Variants in GRIA4 observed in about 807,000 individuals in gnomAD.
GRIA4 encodes the protein glutamate receptor 4.
In GRIA4, 34 loss-of-function variants were observed where a neutral mutation model predicts 104.0. That is an observed-to-expected ratio of 0.33 (90% CI 0.25 to 0.44). The LOEUF (loss-of-function observed/expected upper bound fraction) is 0.44. Among genes scored for constraint, GRIA4 ranks in the 20% least tolerant of loss-of-function variants. The pLI is 1.00. For synonymous variants in GRIA4, 386 were observed against 381.9 expected, an observed-to-expected ratio of 1.01 and a Z score of -0.13; for missense variants, 750 against 1,096.5, an observed-to-expected ratio of 0.68 and a Z score of 4.46.
chr11:105,641,804 T>C (rs1207918288), intron 3 of GRIA4, among the ~76,000 whole-genome samples: 1 of 152,204 alleles, frequency 6.6e-6, no homozygotes, highest in Non-Finnish European at 1.5e-5. Flanking sequence ...AAAACTGCTC[T>C]GTATCAGTTT....
chr11:105,752,322 G>A (rs1471941291), intron 3 of GRIA4, among the ~76,000 whole-genome samples: 2 of 152,010 alleles, frequency 1.3e-5, no homozygotes, highest in Non-Finnish European at 2.9e-5. Flanking sequence ...TACAACATGC[G>A]CAGCTGGCCC....
intron 3 of GRIA4, among the ~76,000 whole-genome samples, chr11:105,676,257 A>T (rs1312112739): frequency 6.6e-6 from 1 of 151,710 alleles, no homozygotes; most frequent in South Asian, 2.1e-4. Flanking sequence ...AATAGGTATG[A>T]ATATTTTCCA....
At chr11:105,775,181 C>G (rs908616673) in intron 4 of GRIA4, among the ~76,000 whole-genome samples, 4 of 152,072 alleles carry the variant, frequency 2.6e-5, no homozygotes, top group African/African-American at 9.7e-5. Flanking sequence ...TCTTGCATCC[C>G]TCTTACCAGG....
At chr11:105,692,946 GA>G in intron 3 of GRIA4, among the ~76,000 whole-genome samples, 1 of 151,996 alleles carries the variant, frequency 6.6e-6, no homozygotes, top group East Asian at 1.9e-4. Flanking sequence ...TTCTCAAAAA[GA>G]AAAAAACACA....
intron 4 of GRIA4, among the ~76,000 whole-genome samples, chr11:105,858,628 T>C (rs1194701416): frequency 1.3e-5 from 2 of 152,150 alleles, no homozygotes; most frequent in South Asian, 2.1e-4. Context: ...TATATTTTTG[T>C]ACCTATTAAC....
At chr11:105,801,388 T>C (rs1448354254) in intron 4 of GRIA4, among the ~76,000 whole-genome samples, 6 of 151,886 alleles carry the variant, frequency 4.0e-5, no homozygotes, top group Non-Finnish European at 7.4e-5. Flanking sequence ...TTTATTTTAA[T>C]AAAGATTAGA....
intron 8 of GRIA4, among the ~76,000 whole-genome samples, chr11:105,904,313 G>A (rs1386505061): frequency 2.6e-5 from 4 of 152,304 alleles, no homozygotes; most frequent in Middle Eastern, 3.4e-3. Flanking sequence ...ACTCGAGGAC[G>A]TAGGCTTGCA....
chr11:105,660,172 T>C (rs1258094634), intron 3 of GRIA4, among the ~76,000 whole-genome samples: 1 of 151,588 alleles, frequency 6.6e-6, no homozygotes, highest in Non-Finnish European at 1.5e-5. Context: ...CACATAAAGA[T>C]AATTCCCTAG....
intron 3 of GRIA4, among the ~76,000 whole-genome samples, chr11:105,695,688 T>C (rs1404719466): frequency 3.9e-5 from 6 of 152,196 alleles, no homozygotes; most frequent in African/African-American, 4.8e-5. Context: ...TTTTTCTTTA[T>C]ATAGTTATAT....
intron 3 of GRIA4, among the ~76,000 whole-genome samples, chr11:105,648,031 C>G (rs571774512): frequency 7.9e-5 from 12 of 151,182 alleles, no homozygotes; most frequent in Non-Finnish European, 1.5e-4. Flanking sequence ...AAAATGGAAC[C>G]AGGTTTAATT....
At chr11:105,934,644 C>G (rs1312209972) in intron 14 of GRIA4, among the ~76,000 whole-genome samples, 1 of 152,136 alleles carries the variant, frequency 6.6e-6, no homozygotes, top group Non-Finnish European at 1.5e-5. Context: ...AGATAGACCC[C>G]TGAAATGTGG....
intron 14 of GRIA4, among the ~76,000 whole-genome samples, chr11:105,952,110 T>C (rs1948469432): frequency 6.6e-6 from 1 of 152,204 alleles, no homozygotes; most frequent in Non-Finnish European, 1.5e-5. Flanking sequence ...CCACCAGGTG[T>C]CATAGAAATG....
intron 4 of GRIA4, among the ~76,000 whole-genome samples, chr11:105,818,871 C>A (rs560222264): frequency 1.3e-5 from 2 of 152,144 alleles, no homozygotes; most frequent in African/African-American, 4.8e-5. Context: ...TTTTAGAAGT[C>A]ATATGTTTTG....
At chr11:105,938,023 G>T (rs190198798) in intron 14 of GRIA4, among the ~76,000 whole-genome samples, 62 of 152,254 alleles carry the variant, frequency 4.1e-4, no homozygotes, top group African/African-American at 1.4e-3. Flanking sequence ...ATCTCTCATT[G>T]GACTTTTCCT....
chr11:105,981,051 A>G lies in GRIA4; in HGVS notation c.*1312A>G, dbSNP rs931720460. On this transcript the variant is annotated 3_prime_UTR_variant, in exon 17 of 17. Coordinates refer to ENST00000282499, the MANE Select transcript of GRIA4 (RefSeq NM_000829.4). ...CCTATTGTTCCCTTTAAATCATATG[A>G]AGGCATTCATAATAGCTTGGGGTAG... 2 of 152,624 alleles carry G rather than the reference A, an allele frequency of 1.3e-5. No individual in the cohort carries two copies. The highest frequency in any genetic ancestry group is 4.8e-5 in the African/African-American group (2 of 41,450). The allele number at this position is 152,624 out of a possible 1,614,324, so 9.5% of individuals were successfully genotyped here. A position where few individuals can be genotyped will look rare whatever the true frequency, so the allele number is the denominator to read the frequency against.
At chr11:105,744,899 GT>G in intron 3 of GRIA4, among the ~76,000 whole-genome samples, 1 of 152,076 alleles carries the variant, frequency 6.6e-6, no homozygotes, top group East Asian at 1.9e-4. Flanking sequence ...AGTGCTTCTA[GT>G]TTTTATTGAT....
At chr11:105,899,244 T>C (rs1946769987) in intron 7 of GRIA4, among the ~76,000 whole-genome samples, 1 of 152,206 alleles carries the variant, frequency 6.6e-6, no homozygotes, top group South Asian at 2.1e-4. Flanking sequence ...AATACTGGAA[T>C]TTGGCCAGCT....
chr11:105,877,397 C>T (rs1431369619), intron 5 of GRIA4, among the ~76,000 whole-genome samples: 1 of 152,102 alleles, frequency 6.6e-6, no homozygotes, highest in Non-Finnish European at 1.5e-5. Flanking sequence ...TGGGGTTGCT[C>T]TTCTCAAGGA....
chr11:105,787,664 A>G (rs1317730812), intron 4 of GRIA4, among the ~76,000 whole-genome samples: 1 of 26,326 alleles, frequency 3.8e-5, no homozygotes, highest in Non-Finnish European at 6.9e-5. Flanking sequence ...TTTAGTAGAA[A>G]TGGTGTTTCA....
Sources: gnomAD v4.1 joint callset for allele counts (sites outside exome capture counted in the v4.1 genomes callset) on GRCh38, gnomAD v4.1.1 for gene constraint, MANE v1.5 for transcripts, NCBI Gene and HGNC (gene_info 2026-07-23, HGNC 2026-07-21) for gene names.